The following LRP2 variants were observed in gnomAD, a reference collection of about 807,000 sequenced individuals.
The protein encoded by LRP2 is low-density lipoprotein receptor-related protein 2.
In LRP2, 172 loss-of-function variants were observed where a neutral mutation model predicts 531.0. That is an observed-to-expected ratio of 0.32 (90% confidence interval 0.29 to 0.37). The LOEUF (loss-of-function observed/expected upper bound fraction) is 0.37, where lower values mean the gene tolerates loss of function less well. Among genes scored for constraint, LRP2 ranks in the 10% least tolerant of loss-of-function variants. LRP2 has a pLI of 1.00. For synonymous variants in LRP2, 1,992 were observed against 2,027.6 expected, an observed-to-expected ratio of 0.98 and a Z score of 0.47; for missense variants, 5,167 against 5,868.3, an observed-to-expected ratio of 0.88 and a Z score of 3.90.
chr2:169,160,059 C>T (rs930888739), intron 63 of LRP2, among the ~76,000 whole-genome samples: 3 of 152,148 alleles, frequency 2.0e-5, no homozygotes, highest in African/African-American at 7.2e-5. Context: ...AAACATATGG[C>T]ACTCTATTTA....
At chr2:169,279,619 A>T in intron 11 of LRP2, 24 bp from the exon 12 acceptor site, 1 of 1,436,124 alleles carries the variant, frequency 7.0e-7, no homozygotes, top group Non-Finnish European at 9.8e-7. Context: ...CAAAATTATT[A>T]TATTTCTTCA....
At chr2:169,271,247 A>G in intron 15 of LRP2, 140 bp from the exon 16 acceptor site, 2 of 623,062 alleles carry the variant, frequency 3.2e-6, no homozygotes, top group Admixed American at 3.0e-5. Flanking sequence ...AAATTTTTGG[A>G]AAGCATAGTT....
intron 58 of LRP2, among the ~76,000 whole-genome samples, chr2:169,171,186 A>G (rs1045039944): frequency 6.6e-6 from 1 of 152,188 alleles, no homozygotes; most frequent in Non-Finnish European, 1.5e-5. Context: ...GTTTTTAGCT[A>G]ACTGATATTT....
chr2:169,261,148 G>T (rs1447043558), intron 16 of LRP2, among the ~76,000 whole-genome samples: 2 of 152,000 alleles, frequency 1.3e-5, no homozygotes, highest in Non-Finnish European at 2.9e-5. Flanking sequence ...CAGAGAAGGG[G>T]TTATCACTAA....
chr2:169,224,174 G>T (rs1332259702), intron 33 of LRP2, among the ~76,000 whole-genome samples: 1 of 152,232 alleles, frequency 6.6e-6, no homozygotes, highest in Non-Finnish European at 1.5e-5. Context: ...CTCATCTTCA[G>T]TATCTTTCTG....
chr2:169,203,879 G>A, intron 42 of LRP2, 103 bp downstream of exon 42: 1 of 1,253,760 alleles, frequency 8.0e-7, no homozygotes, highest in Non-Finnish European at 1.2e-6. Context: ...CTGACATCAA[G>A]GAGAATTTGA....
At chr2:169,292,633 C>G (rs1400099641) in intron 6 of LRP2, among the ~76,000 whole-genome samples, 2 of 151,952 alleles carry the variant, frequency 1.3e-5, no homozygotes, top group Non-Finnish European at 2.9e-5. Context: ...GCCTGGGCAA[C>G]ATGGTGAGAC....
At chr2:169,291,920 A>G (rs539026387) in intron 7 of LRP2, among the ~76,000 whole-genome samples, 1 of 152,370 alleles carries the variant, frequency 6.6e-6, no homozygotes, top group South Asian at 2.1e-4. Context: ...AGTTTTATAT[A>G]GTTTTAAATC....
At chr2:169,327,373 G>A (rs1685112127) in intron 1 of LRP2, among the ~76,000 whole-genome samples, 1 of 131,208 alleles carries the variant, frequency 7.6e-6, no homozygotes, top group South Asian at 2.6e-4. Context: ...CCTCTGCCCA[G>A]CCGCCCCTAC....
At chr2:169,232,037 A>G (rs1451835226) in intron 30 of LRP2, among the ~76,000 whole-genome samples, 195 bp from the exon 31 acceptor site, 2 of 152,084 alleles carry the variant, frequency 1.3e-5, no homozygotes, top group African/African-American at 2.4e-5. Context: ...TCAGGCTTTC[A>G]ACTTAGAATT....
At chr2:169,355,729 C>G (rs967026646) in intron 1 of LRP2, among the ~76,000 whole-genome samples, 6 of 152,190 alleles carry the variant, frequency 3.9e-5, no homozygotes, top group Non-Finnish European at 8.8e-5. Flanking sequence ...GGAGTCATCT[C>G]AGAGCCAGGA....
intron 1 of LRP2, among the ~76,000 whole-genome samples, chr2:169,325,658 T>C (rs1055671092): frequency 1.3e-5 from 2 of 152,230 alleles, no homozygotes; most frequent in African/African-American, 2.4e-5. Flanking sequence ...TAGTGTCAAA[T>C]TGATAGAATA....
intron 4 of LRP2, among the ~76,000 whole-genome samples, chr2:169,296,163 T>C (rs758188975): frequency 5.9e-5 from 9 of 152,256 alleles, no homozygotes; most frequent in Admixed American, 2.0e-4. Context: ...TTTGGTATAG[T>C]AAAGGAATAA....
intron 12 of LRP2, among the ~76,000 whole-genome samples, chr2:169,278,392 G>A (rs1683612810): frequency 6.6e-6 from 1 of 152,044 alleles, no homozygotes; most frequent in Non-Finnish European, 1.5e-5. Context: ...GCTGAGGTGG[G>A]AGGATTGCTT....
intron 25 of LRP2, 142 bp from the exon 26 acceptor site, chr2:169,239,917 G>A (rs570821231): frequency 5.4e-6 from 4 of 734,204 alleles, no homozygotes; most frequent in Admixed American, 4.2e-5. Flanking sequence ...GCATGCACTT[G>A]GGTGAGTTCC....
intron 3 of LRP2, among the ~76,000 whole-genome samples, chr2:169,314,341 A>G: frequency 6.6e-6 from 1 of 152,042 alleles, no homozygotes; most frequent in East Asian, 1.9e-4. Context: ...AGCCAAAAAA[A>G]ACTTCTCTTT....
chr2:169,137,578 A>G (rs1265898587), intron 75 of LRP2, 85 bp from the exon 76 acceptor site: 2 of 890,646 alleles, frequency 2.2e-6, no homozygotes, highest in Non-Finnish European at 3.8e-6. Context: ...TTCACACACA[A>G]AGAAAGGTGC....
At chr2:169,263,549 C>A (rs916084818) in intron 16 of LRP2, among the ~76,000 whole-genome samples, 1 of 149,492 alleles carries the variant, frequency 6.7e-6, no homozygotes, top group African/African-American at 2.5e-5. Context: ...CAATGAGATA[C>A]CATTTCACAC....
At chr2:169,261,101 T>G (rs1384900944) in intron 16 of LRP2, among the ~76,000 whole-genome samples, 2 of 151,926 alleles carry the variant, frequency 1.3e-5, no homozygotes, top group East Asian at 1.9e-4. Flanking sequence ...GATAGGAAAG[T>G]GCAAAACAAC....
Sources: allele counts gnomAD v4.1 joint callset (sites outside exome capture counted in the v4.1 genomes callset), GRCh38; gene constraint gnomAD v4.1.1; transcripts MANE v1.5; gene names NCBI Gene and HGNC (gene_info 2026-07-23, HGNC 2026-07-21).